Variants in NAALADL2 observed in about 807,000 individuals in gnomAD.
The protein encoded by NAALADL2 is N-acetylated alpha-linked acidic dipeptidase like 2.
A neutral mutation model predicts 87.2 loss-of-function variants in NAALADL2; 76 were observed. The ratio of observed to expected loss-of-function variants is 0.87; its 90% CI spans 0.72 to 1.05. The LOEUF is 1.05. Ranked by LOEUF, NAALADL2 falls within the 50% of genes least tolerant of loss-of-function variation. The pLI is 0.00. For missense variants in NAALADL2, 1,089 were observed against 945.8 expected (o/e 1.15, Z -1.99); for synonymous variants, 354 against 331.0 (o/e 1.07, Z -0.75).
intron 11 of NAALADL2, among the ~76,000 whole-genome samples, chr3:175,716,617 A>T (rs182103399): frequency 5.8e-4 from 88 of 152,264 alleles, no homozygotes; most frequent in African/African-American, 1.9e-3. Context: ...AGGCCAAAAA[A>T]GTCTTAGAAT....
chr3:175,479,331 A>G (rs9817272), intron 9 of NAALADL2, among the ~76,000 whole-genome samples: 122,758 of 151,622 alleles, frequency 0.81, 49,777 homozygotes, highest in East Asian at 0.9. Flanking sequence ...CTTTGAACAA[A>G]CATTTCCCAG....
intron 4 of NAALADL2, among the ~76,000 whole-genome samples, chr3:175,273,221 A>G (rs1175068520): frequency 6.6e-6 from 1 of 152,158 alleles, no homozygotes; most frequent in Non-Finnish European, 1.5e-5. Context: ...AGGTTGCAAT[A>G]TAAGTGTTTC....
chr3:174,470,398 T>C (rs1307924966), intron 1 of NAALADL2, among the ~76,000 whole-genome samples: 1 of 152,212 alleles, frequency 6.6e-6, no homozygotes, highest in Non-Finnish European at 1.5e-5. Context: ...TTCTGGATAA[T>C]TGTCCTTTGT....
Position 175,324,160 on chromosome 3 carries a change from G to C in NAALADL2, c.940-15G>C. 1 of 1,610,396 alleles carries C rather than the reference G, an allele frequency of 6.2e-7. No individual in the cohort carries two copies. Among genetic ancestry groups the C allele is most frequent in the Non-Finnish European group, 8.5e-7 (1 of 1,178,128 alleles). ...TGCATGATAATATTTTTAATAGCTTGCTTCCCTCTTTTAGCTTTCCTCATT... is the reference window on the plus strand; with the variant it reads ...TGCATGATAATATTTTTAATAGCTTCCTTCCCTCTTTTAGCTTTCCTCATT... On this transcript the variant is annotated splice_polypyrimidine_tract_variant and intron_variant, in intron 4 of 13. Transcript: ENST00000454872.
At chr3:175,498,210 A>G (rs750352677) in intron 9 of NAALADL2, among the ~76,000 whole-genome samples, 12 of 152,168 alleles carry the variant, frequency 7.9e-5, no homozygotes, top group Non-Finnish European at 1.3e-4. Flanking sequence ...AAATAGCCTC[A>G]AAAGGACAAA....
Position 175,737,373 on chromosome 3 carries a change from C to A in NAALADL2, c.1964C>A (p.Ala655Asp). ...CTGCCCTTTAATGCACTTGATATAG[C>A]TTTAGAAGTTCAAAACAACCTTAAA... ...PVLPFNALDI[A>D]LEVQNNLKGD... The change falls in exon 12 of 14, where the codon GCT (alanine) becomes GAT (aspartate). Residue 655 changes from alanine to aspartate, a missense_variant. Physicochemically the swap from Ala to Asp is moderately radical, Grantham distance 126. Coordinates refer to ENST00000454872, the MANE Select transcript of NAALADL2 (RefSeq NM_207015.3). 2 of 1,607,018 alleles carry A rather than the reference C, an allele frequency of 1.2e-6. 1 individual carries two copies. The highest frequency in any genetic ancestry group is 2.2e-5 in the South Asian group (2 of 90,734).
chr3:174,930,707 T>C (rs898366470), intron 1 of NAALADL2, among the ~76,000 whole-genome samples: 17 of 145,502 alleles, frequency 1.2e-4, no homozygotes, highest in Admixed American at 2.9e-4. Flanking sequence ...CTGCAAGCTC[T>C]GCCTCCCAGG....
At chr3:175,325,189 G>C (rs1760552740) in intron 5 of NAALADL2, among the ~76,000 whole-genome samples, 1 of 151,930 alleles carries the variant, frequency 6.6e-6, no homozygotes, top group Non-Finnish European at 1.5e-5. Context: ...AGAATTTACT[G>C]GTTATCTTAC....
intron 12 of NAALADL2, among the ~76,000 whole-genome samples, chr3:175,754,797 T>C (rs1400677323): frequency 6.6e-6 from 1 of 152,196 alleles, no homozygotes; most frequent in Non-Finnish European, 1.5e-5. Context: ...TCAGCTTCTA[T>C]GAAATGTATG....
chr3:175,763,688 CAT>C (rs752739040), intron 13 of NAALADL2, among the ~76,000 whole-genome samples: 8 of 152,268 alleles, frequency 5.3e-5, no homozygotes, highest in East Asian at 1.9e-4. Context: ...CCACTAATAA[CAT>C]GTGTGTAAGG....
intron 13 of NAALADL2, among the ~76,000 whole-genome samples, chr3:175,799,639 CAA>C (rs1394305810): frequency 6.6e-6 from 1 of 152,092 alleles, no homozygotes; most frequent in East Asian, 1.9e-4. Context: ...ACAGTTCAGT[CAA>C]AGTTTCTCTA....
chr3:175,241,997 G>A (rs966608658), intron 3 of NAALADL2, among the ~76,000 whole-genome samples: 2 of 150,800 alleles, frequency 1.3e-5, no homozygotes, highest in Non-Finnish European at 3.0e-5. Flanking sequence ...AAGTAGCTGG[G>A]ATTACAGGCA....
At chr3:175,220,098 A>G (rs1255871670) in intron 2 of NAALADL2, among the ~76,000 whole-genome samples, 1 of 151,418 alleles carries the variant, frequency 6.6e-6, no homozygotes. Flanking sequence ...GTCATAATGC[A>G]CTTGTCTTTT....
At chr3:174,527,264 C>T (rs1720854549) in intron 1 of NAALADL2, among the ~76,000 whole-genome samples, 1 of 152,050 alleles carries the variant, frequency 6.6e-6, no homozygotes, top group South Asian at 2.1e-4. Flanking sequence ...GTCAGGCCTG[C>T]AATCCCAGCA....
intron 2 of NAALADL2, among the ~76,000 whole-genome samples, chr3:174,702,467 A>G (rs1035420927): frequency 6.6e-6 from 1 of 152,180 alleles, no homozygotes; most frequent in Non-Finnish European, 1.5e-5. Context: ...AGCAGGTACA[A>G]AAAATGTTCA....
chr3:174,781,161 C>T (rs141915023), intron 3 of NAALADL2, among the ~76,000 whole-genome samples: 25 of 152,084 alleles, frequency 1.6e-4, no homozygotes, highest in South Asian at 1.5e-3. Context: ...GTTAGTCTTA[C>T]GGCTTCCCTT....
intron 1 of NAALADL2, among the ~76,000 whole-genome samples, chr3:174,952,920 G>A (rs563472659): frequency 7.2e-5 from 11 of 152,024 alleles, no homozygotes; most frequent in African/African-American, 2.7e-4. Flanking sequence ...TCTCAGTAGT[G>A]TCCCAGTGAG....
At chr3:174,555,856 C>G (rs1440142148) in intron 2 of NAALADL2, among the ~76,000 whole-genome samples, 1 of 151,846 alleles carries the variant, frequency 6.6e-6, no homozygotes, top group African/African-American at 2.4e-5. Flanking sequence ...CATAGTGTGA[C>G]CTTCCTGTTT....
At chr3:175,204,250 A>G (rs571254888) in intron 2 of NAALADL2, among the ~76,000 whole-genome samples, 1 of 152,308 alleles carries the variant, frequency 6.6e-6, no homozygotes, top group Admixed American at 6.5e-5. Context: ...ATCTGCCATG[A>G]TCAAGTGGGT....
Sources: gnomAD v4.1 joint callset for allele counts (sites outside exome capture counted in the v4.1 genomes callset) on GRCh38, gnomAD v4.1.1 for gene constraint, MANE v1.5 for transcripts, NCBI Gene and HGNC (gene_info 2026-07-23, HGNC 2026-07-21) for gene names.